ALK: variants seen among roughly 807,000 people sequenced by gnomAD.
ALK encodes the protein ALK tyrosine kinase receptor.
Under a neutral mutation model 163.1 loss-of-function variants are expected in ALK, and 74 were observed. The ratio of observed to expected loss-of-function variants is 0.45; its 90% CI spans 0.38 to 0.55. The LOEUF (loss-of-function observed/expected upper bound fraction) is 0.55. Ranked by LOEUF, ALK falls within the 20% of genes least tolerant of loss-of-function variation. The probability of loss-of-function intolerance (pLI) is 0.00; values close to 1 mark genes in which losing one functional copy is unlikely to be tolerated. For missense variants in ALK, 2,063 were observed against 2,105.3 expected (o/e 0.98, Z 0.39); for synonymous variants, 960 against 843.2 (o/e 1.14, Z -2.40).
At chr2:29,507,434 G>T (rs557695723) in intron 4 of ALK, among the ~76,000 whole-genome samples, 1 of 152,136 alleles carries the variant, frequency 6.6e-6, no homozygotes, top group Non-Finnish European at 1.5e-5. Flanking sequence ...ATGATGAAAA[G>T]GTTCTAGAGA....
chr2:29,541,835 G>A (rs1320114354), intron 3 of ALK, among the ~76,000 whole-genome samples: 3 of 152,128 alleles, frequency 2.0e-5, no homozygotes, highest in Non-Finnish European at 4.4e-5. Context: ...ACCTTTAAAA[G>A]TCTGAAAAAT....
intron 9 of ALK, among the ~76,000 whole-genome samples, chr2:29,288,615 G>A (rs1445120926): frequency 6.6e-6 from 1 of 152,146 alleles, no homozygotes; most frequent in Non-Finnish European, 1.5e-5. Context: ...TTTTGACCAT[G>A]AAAGCATGGT....
chr2:29,720,908 A>G (rs1679403002), intron 1 of ALK, among the ~76,000 whole-genome samples: 1 of 152,102 alleles, frequency 6.6e-6, no homozygotes, highest in Non-Finnish European at 1.5e-5. Flanking sequence ...ATCAATGCAG[A>G]TATATGGGTG....
intron 4 of ALK, among the ~76,000 whole-genome samples, chr2:29,517,595 T>C (rs1672705889): frequency 6.6e-6 from 1 of 152,176 alleles, no homozygotes; most frequent in Admixed American, 6.5e-5. Context: ...CAGGCTATTG[T>C]CCTGGTGTTG....
intron 24 of ALK, among the ~76,000 whole-genome samples, chr2:29,213,519 G>A (rs1669516976): frequency 6.6e-6 from 1 of 152,166 alleles, no homozygotes; most frequent in East Asian, 1.9e-4. Flanking sequence ...TCTATGGCAG[G>A]GGGAAGCCTT....
At chr2:29,850,269 C>G (rs1286187693) in intron 1 of ALK, among the ~76,000 whole-genome samples, 1 of 152,156 alleles carries the variant, frequency 6.6e-6, no homozygotes, top group Non-Finnish European at 1.5e-5. Flanking sequence ...GAAGTCGGGA[C>G]TGGTTCCCTG....
chr2:29,304,200 T>C (rs1356280343), intron 8 of ALK, among the ~76,000 whole-genome samples: 10 of 152,176 alleles, frequency 6.6e-5, no homozygotes, highest in Admixed American at 6.5e-4. Flanking sequence ...GGGACCTTGT[T>C]AGAAATGCAG....
At chr2:29,200,782 T>TACGTATATATGTATATATATAC (rs376147202) in intron 26 of ALK, among the ~76,000 whole-genome samples, 5 of 129,114 alleles carry the variant, frequency 3.9e-5, no homozygotes, top group Admixed American at 7.9e-5. Flanking sequence ...CGTATATATA[T>TACGTATATATGTATATATATAC]GTATATACAT....
chr2:29,774,274 C>T (rs1335061746), intron 1 of ALK, among the ~76,000 whole-genome samples: 1 of 152,188 alleles, frequency 6.6e-6, no homozygotes, highest in African/African-American at 2.4e-5. Flanking sequence ...TCTGAGGCAA[C>T]TTAATTCCAA....
chr2:29,282,980 C>A (rs1665753161), intron 9 of ALK, among the ~76,000 whole-genome samples: 1 of 152,166 alleles, frequency 6.6e-6, no homozygotes, highest in African/African-American at 2.4e-5. Context: ...TTCTCGAAAT[C>A]TGTGTAGTGT....
At chr2:29,414,248 C>A (rs143612162) in intron 4 of ALK, among the ~76,000 whole-genome samples, 4 of 152,184 alleles carry the variant, frequency 2.6e-5, no homozygotes, top group African/African-American at 9.7e-5. Context: ...ACTATCTTCA[C>A]ATTTTAATGA....
chr2:29,322,690 C>T (rs1000403603), intron 6 of ALK, among the ~76,000 whole-genome samples: 10 of 152,262 alleles, frequency 6.6e-5, no homozygotes, highest in African/African-American at 1.9e-4. Context: ...AGAAATTAGC[C>T]GGGTCTGGTG....
Position 29,193,730 on chromosome 2 carries a change from C to T in ALK, c.4357G>A (p.Ala1453Thr), listed in dbSNP as rs752317227. 2.5e-6 allele frequency: 4 copies of T among 1,604,206 alleles called. No individual in the cohort carries two copies. The highest frequency in any genetic ancestry group is 1.1e-5 in the South Asian group (1 of 89,998). ...ATCTCTGCAGCTGTGGGTTTCTTTG[C>T]AGCCTTGCCAGAGGAGGTGGTAGGC... ...PLPTTSSGKA[A>T]KKPTAAEISV... The change falls in exon 29 of 29, where the codon GCA becomes ACA. Residue 1453 changes from alanine (A) to threonine (T), a missense_variant. Ala to Thr is a moderately conservative substitution (Grantham distance 58, BLOSUM62 0). This residue lies in a region of ALK where 403 missense variants were observed against 366.2 expected (regional missense o/e 1.10). Coordinates refer to ENST00000389048, the MANE Select transcript of ALK (RefSeq NM_004304.5).
chr2:29,633,870 A>C (rs1676450062), intron 3 of ALK, among the ~76,000 whole-genome samples: 1 of 152,148 alleles, frequency 6.6e-6, no homozygotes, highest in African/African-American at 2.4e-5. Flanking sequence ...AACCAATATG[A>C]AATAGGTAAT....
intron 4 of ALK, among the ~76,000 whole-genome samples, chr2:29,424,984 A>ATT (rs1670099840): frequency 6.6e-6 from 1 of 152,188 alleles, no homozygotes; most frequent in South Asian, 2.1e-4. Context: ...AAAGGCATTC[A>ATT]CTGTCTGGTA....
chr2:29,868,262 C>T (rs1180314926), intron 1 of ALK, among the ~76,000 whole-genome samples: 2 of 152,194 alleles, frequency 1.3e-5, no homozygotes, highest in African/African-American at 4.8e-5. Flanking sequence ...GGCTCCTGCC[C>T]TTCATTCAGT....
chr2:29,324,612 G>T (rs553416218), intron 6 of ALK, among the ~76,000 whole-genome samples: 1 of 152,324 alleles, frequency 6.6e-6, no homozygotes, highest in African/African-American at 2.4e-5. Flanking sequence ...GGGGAAAAGT[G>T]ATCTGTCTGC....
intron 26 of ALK, among the ~76,000 whole-genome samples, chr2:29,198,929 T>C (rs2148144828): frequency 6.6e-6 from 1 of 151,828 alleles, no homozygotes; most frequent in East Asian, 1.9e-4. Context: ...TAACCTTTTA[T>C]AAAAAATTCA....
At chr2:29,238,638 G>A (rs1664443234) in intron 13 of ALK, among the ~76,000 whole-genome samples, 1 of 152,162 alleles carries the variant, frequency 6.6e-6, no homozygotes, top group Admixed American at 6.5e-5. Context: ...CTCCTCAGAG[G>A]TGGAGATGTG....
Sources: allele counts gnomAD v4.1 joint callset (sites outside exome capture counted in the v4.1 genomes callset), GRCh38; gene constraint gnomAD v4.1.1; regional missense constraint gnomAD v4.1.1; transcripts MANE v1.5; gene names NCBI Gene and HGNC (gene_info 2026-07-23, HGNC 2026-07-21).